Variants in CASP10 observed in about 807,000 individuals in gnomAD.
The protein encoded by CASP10 is caspase 10, also known as caspase-10.
A neutral mutation model predicts 48.5 loss-of-function variants in CASP10; 41 were observed. The ratio of observed to expected loss-of-function variants is 0.85; its 90% CI spans 0.66 to 1.10. CASP10 has a LOEUF of 1.10. Ranked by LOEUF, CASP10 falls within the 50% of genes least tolerant of loss-of-function variation. CASP10 has a pLI of 0.00. For missense variants in CASP10, 614 were observed against 614.5 expected, an observed-to-expected ratio of 1.00 and a Z score of 0.01; for synonymous variants, 232 against 238.4, an observed-to-expected ratio of 0.97 and a Z score of 0.25.
At chr2:201,226,930 TATA>T (rs1049499936) in intron 9 of CASP10, among the ~76,000 whole-genome samples, 9 of 152,152 alleles carry the variant, frequency 5.9e-5, no homozygotes, top group Non-Finnish European at 7.4e-5. Flanking sequence ...AAATAATATA[TATA>T]ATATGATATG....
In CASP10 at chr2:201,219,557, A is replaced by C. The variant is rs892493954; in HGVS notation, c.*1816A>C. The C allele has an allele frequency of 1.0e-6, 1 of 985,408 alleles. No individual in the cohort carries two copies. Among genetic ancestry groups the C allele is most frequent in the Middle Eastern group, 5.2e-4 (1 of 1,914 alleles). The allele number at this position is 985,408 out of a possible 1,614,324, so 61.0% of individuals were successfully genotyped here. On this transcript the variant is annotated 3_prime_UTR_variant, in exon 10 of 10. Transcript: ENST00000286186. Reference sequence around the variant, plus strand: ...CTCCTCTGGCCCAAGGCATGAGGAGAGAGGCTGTGTCAGAAACTGAAGCTG... The same window carrying C: ...CTCCTCTGGCCCAAGGCATGAGGAGCGAGGCTGTGTCAGAAACTGAAGCTG...
Position 201,209,063 on chromosome 2 carries a change from T to TTTA in CASP10, c.923-7_923-6insTTA. On this transcript the variant is annotated splice_region_variant and splice_polypyrimidine_tract_variant and intron_variant, in intron 8 of 9. Transcript: ENST00000286186. Reference sequence around the variant, plus strand: ...TCTCTTTTTTTTTTTTTTTTGTTTTTAAACAGAGATCCTGAGTCATGTGTT... The same window carrying TTTA: ...TCTCTTTTTTTTTTTTTTTTGTTTTTTTAAAACAGAGATCCTGAGTCATGTGTT... 6.2e-7 allele frequency: 1 copy of TTTA among 1,605,438 alleles called. No homozygotes were observed. Among genetic ancestry groups the TTTA allele is most frequent in the Non-Finnish European group, 8.5e-7 (1 of 1,176,546 alleles).
intron 5 of CASP10, among the ~76,000 whole-genome samples, chr2:201,203,205 C>A (rs547674885): frequency 6.6e-6 from 1 of 152,216 alleles, no homozygotes; most frequent in African/African-American, 2.4e-5. Flanking sequence ...AGTAAGTACC[C>A]TTGAGCATAT....
At chr2:201,223,345 C>G (rs1945748632), downstream of CASP10, among the ~76,000 whole-genome samples, 1 of 152,208 alleles carries the variant, frequency 6.6e-6, no homozygotes, top group Non-Finnish European at 1.5e-5. Context: ...GCAGAGGGAA[C>G]TCACCACAAG....
At chr2:201,184,829 G>GT (rs898983554) in intron 1 of CASP10, among the ~76,000 whole-genome samples, 112 of 150,124 alleles carry the variant, frequency 7.5e-4, no homozygotes, top group East Asian at 1.8e-3. Context: ...CATGTAATTT[G>GT]TTTTTTTTTA....
chr2:201,222,436 C>T (rs902449334), downstream of CASP10, among the ~76,000 whole-genome samples: 9 of 152,130 alleles, frequency 5.9e-5, no homozygotes, highest in Non-Finnish European at 1.0e-4. Context: ...AGGCTGGTCT[C>T]GAACTCCTGA....
chr2:201,205,268 A>C (rs1945162945), intron 6 of CASP10, among the ~76,000 whole-genome samples: 1 of 140,520 alleles, frequency 7.1e-6, no homozygotes, highest in South Asian at 2.2e-4. Context: ...TCTGTTGCCT[A>C]GGCTGGAGTG....
chr2:201,209,472 C>T lies in CASP10; in HGVS notation c.1325C>T (p.Thr442Ile), dbSNP rs1427799811. 3.1e-6 allele frequency: 5 copies of T among 1,613,826 alleles called. No individual in the cohort carries two copies. In the Admixed American group the frequency reaches 5.0e-5, roughly 16 times the overall value. ...GCTGACTTCCTACTTGGTCTGGCCA[C>T]TGTCCCAGGCTATGTATCCTTTCGG... ...AEADFLLGLA[T>I]VPGYVSFRHV... Residue 442 changes from threonine (T) to isoleucine (I), a missense_variant, in exon 9 of 10, where the codon ACT becomes ATT. Thr to Ile is a moderately conservative substitution (Grantham distance 89, BLOSUM62 -1). Transcript: ENST00000286186.
intron 9 of CASP10, among the ~76,000 whole-genome samples, chr2:201,216,423 G>A (rs1945572311): frequency 6.6e-6 from 1 of 151,956 alleles, no homozygotes; most frequent in African/African-American, 2.4e-5. Context: ...AATCAAAACA[G>A]GATAATGGTA....
At chr2:201,191,960 AG>A (rs1279660836) in intron 3 of CASP10, among the ~76,000 whole-genome samples, 1 of 152,244 alleles carries the variant, frequency 6.6e-6, no homozygotes, top group Non-Finnish European at 1.5e-5. Context: ...ACTAATGTCC[AG>A]GTCCCATTTA....
intron 9 of CASP10, among the ~76,000 whole-genome samples, chr2:201,210,477 T>C (rs1945357934): frequency 6.6e-6 from 1 of 152,222 alleles, no homozygotes; most frequent in Admixed American, 6.5e-5. Context: ...TGTTTAGCCC[T>C]TGGACCTCAC....
At chr2:201,206,530 AAT>A (rs901237521) in intron 7 of CASP10, among the ~76,000 whole-genome samples, 8 of 148,144 alleles carry the variant, frequency 5.4e-5, no homozygotes, top group Non-Finnish European at 1.2e-4. Flanking sequence ...TATATATATG[AAT>A]ATATATGTGT....
At chr2:201,201,331 TC>T (rs1945011448) in intron 5 of CASP10, among the ~76,000 whole-genome samples, 2 of 151,968 alleles carry the variant, frequency 1.3e-5, no homozygotes, top group South Asian at 4.2e-4. Context: ...TGCATGGCCA[TC>T]CCAGAAGCTC....
chr2:201,185,962 T>C lies in CASP10; in HGVS notation c.185T>C (p.Phe62Ser), dbSNP rs772200260. The C allele has an allele frequency of 6.2e-7, 1 of 1,614,080 alleles. No individual in the cohort carries two copies. Among genetic ancestry groups the C allele is most frequent in the Non-Finnish European group, 8.5e-7 (1 of 1,180,000 alleles). ...AAGTCCAGCTCAGCCTCAGATGTTT[T>C]TGAACATCTCTTGGCAGAGGATCTG... ...LEKSSSASDV[F>S]EHLLAEDLLS... is the part of the protein sequence containing the mutation. Residue 62 changes from phenylalanine to serine, a missense_variant, in exon 2 of 10, where the codon TTT becomes TCT. By Grantham distance (155) the Phe-to-Ser change is radical. Transcript: ENST00000286186.
At chr2:201,186,873 G>C (rs986261995) in intron 2 of CASP10, among the ~76,000 whole-genome samples, 3 of 152,084 alleles carry the variant, frequency 2.0e-5, no homozygotes, top group African/African-American at 7.2e-5. Context: ...TTTTAGTAGA[G>C]ACAGGGTTTC....
downstream of CASP10, among the ~76,000 whole-genome samples, chr2:201,223,586 A>T (rs377415940): frequency 3.9e-5 from 6 of 151,920 alleles, no homozygotes; most frequent in East Asian, 1.2e-3. Context: ...ATTTAAAACC[A>T]CTCATTTTCA....
intron 6 of CASP10, among the ~76,000 whole-genome samples, chr2:201,205,228 C>CTTTTCT (rs774630460): frequency 7.2e-6 from 1 of 138,870 alleles, no homozygotes; most frequent in African/African-American, 2.7e-5. Context: ...CTTTTCTTTT[C>CTTTTCT]TTTTTTTTTT....
chr2:201,200,515 G>A, intron 5 of CASP10: 2 of 1,598,180 alleles, frequency 1.3e-6, no homozygotes, highest in Non-Finnish European at 1.7e-6. Flanking sequence ...CCTGGAGCTT[G>A]GCAAAGGCTG....
Position 201,219,998 on chromosome 2 carries a change from GAAC to G in CASP10, c.*2264_*2266del, listed in dbSNP as rs1368841421. On this transcript the variant is annotated 3_prime_UTR_variant, in exon 10 of 10. Transcript: ENST00000286186. ...TCATAAAAAAATGTCAAGGAATGAAGAACAACAACTCTCAGTGGTGCCTGCATT... is the reference window on the plus strand; with the variant it reads ...TCATAAAAAAATGTCAAGGAATGAAGAACAACTCTCAGTGGTGCCTGCATT... 2.0e-6 allele frequency: 2 copies of G among 985,264 alleles called. No individual in the cohort carries two copies. 61.0% of individuals were successfully genotyped at this position (985,264 alleles called of 1,614,324 possible). A position where few individuals can be genotyped will look rare whatever the true frequency, so the allele number is the denominator to read the frequency against.
Sources: allele counts gnomAD v4.1 joint callset (sites outside exome capture counted in the v4.1 genomes callset), GRCh38; gene constraint gnomAD v4.1.1; transcripts MANE v1.5; gene names NCBI Gene and HGNC (gene_info 2026-07-23, HGNC 2026-07-21).